The following EDARADD variants were observed in gnomAD, a reference collection of about 807,000 sequenced individuals.
The protein encoded by EDARADD is ectodysplasin-A receptor-associated adapter protein.
A neutral mutation model predicts 25.6 loss-of-function variants in EDARADD; 20 were observed. The observed-to-expected ratio is 0.78, with a 90% CI of 0.55 to 1.14. EDARADD has a LOEUF of 1.14. EDARADD is among the 50% of genes most tolerant of loss of function. The probability of loss-of-function intolerance (pLI) is 0.00; values close to 1 mark genes in which losing one functional copy is unlikely to be tolerated. For missense variants in EDARADD, 225 were observed against 270.1 expected (o/e 0.83, Z 1.17); for synonymous variants, 86 against 94.4 (o/e 0.91, Z 0.52).
chr1:236,390,940 AGTT>A (rs1414892407), upstream of EDARADD, among the ~76,000 whole-genome samples: 2 of 31,572 alleles, frequency 6.3e-5, no homozygotes, highest in Non-Finnish European at 9.4e-5. Flanking sequence ...CTCTTGGGTT[AGTT>A]GTTATTATTA....
chr1:236,392,327 GGTTT>G (rs1256646850), upstream of EDARADD, among the ~76,000 whole-genome samples: 2 of 152,052 alleles, frequency 1.3e-5, no homozygotes, highest in Non-Finnish European at 2.9e-5. Flanking sequence ...CCTTAGTTTA[GGTTT>G]GTTTGTTTGC....
intron 4 of EDARADD, among the ~76,000 whole-genome samples, chr1:236,456,893 C>T (rs1658884261): frequency 6.6e-6 from 1 of 152,042 alleles, no homozygotes; most frequent in Admixed American, 6.6e-5. Flanking sequence ...TGGTGATGCT[C>T]TTGGTGATTT....
chr1:236,390,625 T>C (rs1186420581), upstream of EDARADD, among the ~76,000 whole-genome samples: 1 of 152,182 alleles, frequency 6.6e-6, no homozygotes, highest in Non-Finnish European at 1.5e-5. Flanking sequence ...AAAATTCTGA[T>C]ATGTTTCTCC....
intron 3 of EDARADD, among the ~76,000 whole-genome samples, chr1:236,422,133 G>C (rs1484062002): frequency 6.6e-6 from 1 of 152,102 alleles, no homozygotes; most frequent in African/African-American, 2.4e-5. Context: ...GTGACACCCA[G>C]TAACTTACAT....
chr1:236,466,455 ACACACT>A (rs1202855377), intron 4 of EDARADD, among the ~76,000 whole-genome samples: 3 of 151,996 alleles, frequency 2.0e-5, no homozygotes, highest in Non-Finnish European at 2.9e-5. Context: ...ACACACACAC[ACACACT>A]CACACTCACA....
At chr1:236,452,567 A>T (rs1211030944) in intron 4 of EDARADD, among the ~76,000 whole-genome samples, 3 of 151,916 alleles carry the variant, frequency 2.0e-5, no homozygotes, top group Non-Finnish European at 4.4e-5. Flanking sequence ...TTCTACCATG[A>T]CTGTAAGTTT....
chr1:236,353,169 G>T (rs578057520), intron 3 of EDARADD, among the ~76,000 whole-genome samples: 4 of 152,296 alleles, frequency 2.6e-5, no homozygotes, highest in Admixed American at 1.3e-4. Context: ...ACAGGCCAGG[G>T]TTGTTACCTC....
At chr1:236,371,861 C>T (rs1667176347) in intron 3 of EDARADD, among the ~76,000 whole-genome samples, 1 of 151,728 alleles carries the variant, frequency 6.6e-6, no homozygotes, top group African/African-American at 2.4e-5. Flanking sequence ...CATGAGCCAC[C>T]GGGCCCAGTC....
At chr1:236,419,941 G>T (rs1001736396) in intron 3 of EDARADD, among the ~76,000 whole-genome samples, 2 of 152,190 alleles carry the variant, frequency 1.3e-5, no homozygotes, top group African/African-American at 4.8e-5. Context: ...ATTTTGGGAG[G>T]CCAAGGCGGG....
At chr1:236,405,983 G>T (rs1667727083) in intron 1 of EDARADD, among the ~76,000 whole-genome samples, 1 of 142,040 alleles carries the variant, frequency 7.0e-6, no homozygotes, top group Non-Finnish European at 1.5e-5. Context: ...GGATTAACTT[G>T]TCCTGGACGC....
chr1:236,398,523 C>G lies in EDARADD; in HGVS notation c.61+4018C>G, dbSNP rs1349341254. Among the ~76,000 whole-genome samples the G allele has an allele frequency of 6.6e-6, 1 of 152,260 alleles. No homozygotes were observed. Among genetic ancestry groups the G allele is most frequent in the Non-Finnish European group, 1.5e-5 (1 of 68,046 alleles). ...CTTACACACTCTGTGCAATCAATCC[C>G]TACCTGTTCCTTCACTTGCCTCACC... On this transcript the variant is annotated intron_variant, in intron 1 of 5. Transcript: ENST00000334232. The surrounding 1 kb of genome is among the most constrained non-coding windows in gnomAD (Gnocchi z 4.1).
intron 3 of EDARADD, among the ~76,000 whole-genome samples, chr1:236,376,818 A>C (rs1382643084): frequency 6.6e-6 from 1 of 152,016 alleles, no homozygotes; most frequent in Non-Finnish European, 1.5e-5. Context: ...AACCTTTAGT[A>C]GTTGTCTTAC....
intron 3 of EDARADD, among the ~76,000 whole-genome samples, chr1:236,384,679 G>A (rs982933504): frequency 6.6e-6 from 1 of 152,046 alleles, no homozygotes; most frequent in African/African-American, 2.4e-5. Context: ...CTGTGCCACT[G>A]CATCTGGCTA....
At chr1:236,476,412 C>T (rs1407179883) in intron 5 of EDARADD, among the ~76,000 whole-genome samples, 1 of 151,978 alleles carries the variant, frequency 6.6e-6, no homozygotes, top group Non-Finnish European at 1.5e-5. Flanking sequence ...TTAGGCCAGG[C>T]ACAGGGCTCA....
At chr1:236,429,828 C>A (rs1658048056) in intron 4 of EDARADD, among the ~76,000 whole-genome samples, 1 of 152,210 alleles carries the variant, frequency 6.6e-6, no homozygotes, top group African/African-American at 2.4e-5. Flanking sequence ...ACTGTCCAAG[C>A]CACCTCTGTT....
intron 3 of EDARADD, among the ~76,000 whole-genome samples, chr1:236,375,694 C>T (rs540190254): frequency 1.3e-5 from 2 of 150,252 alleles, no homozygotes; most frequent in African/African-American, 2.4e-5. Context: ...AATAACCAGC[C>T]TGGGCAACAT....
At chr1:236,390,423 C>T (rs891767412), upstream of EDARADD, among the ~76,000 whole-genome samples, 10 of 152,138 alleles carry the variant, frequency 6.6e-5, no homozygotes, top group African/African-American at 1.9e-4. Context: ...GGCGTGGTGG[C>T]GGGCGCCTGT....
intron 4 of EDARADD, among the ~76,000 whole-genome samples, chr1:236,429,156 C>G (rs568353409): frequency 6.6e-6 from 1 of 150,738 alleles, no homozygotes; most frequent in African/African-American, 2.4e-5. Flanking sequence ...ACAGTCCAGC[C>G]TCGGCTCGGC....
rs670431 is a variant in EDARADD at position 236,398,400 on chromosome 1, C to T, written c.61+3895C>T. On this transcript the variant is annotated intron_variant, in intron 1 of 5. Coordinates refer to ENST00000334232, the MANE Select transcript of EDARADD (RefSeq NM_145861.4). This position sits in a 1 kb window ranked among gnomAD's most constrained non-coding sequence, Gnocchi z 4.1. ...GTGTGAACCACTGTGCCCAGCCAGT[C>T]GTCTTTTAAAAACAAATCGGATTCT... Among the ~76,000 whole-genome samples, 4,674 of 152,258 alleles carry T rather than the reference C, an allele frequency of 0.031. 112 individuals carry two copies. Among genetic ancestry groups the T allele is most frequent in the Non-Finnish European group, 0.047 (3,179 of 68,022 alleles).
Sources: gnomAD v4.1 joint callset for allele counts (sites outside exome capture counted in the v4.1 genomes callset) on GRCh38, gnomAD v4.1.1 for gene constraint, Gnocchi (gnomAD v3.1) non-coding constraint, MANE v1.5 for transcripts, NCBI Gene and HGNC (gene_info 2026-07-23, HGNC 2026-07-21) for gene names.